Variants in WNK2 observed in about 807,000 individuals in gnomAD.
The protein encoded by WNK2 is WNK lysine deficient protein kinase 2.
In WNK2, 67 loss-of-function variants were observed where a neutral mutation model predicts 192.1. That is an observed-to-expected ratio of 0.35 (90% CI 0.29 to 0.43). The LOEUF (loss-of-function observed/expected upper bound fraction) is 0.43, where lower values mean the gene tolerates loss of function less well. WNK2 is among the 20% of genes least tolerant of loss of function. The pLI, the probability that WNK2 is intolerant of heterozygous loss-of-function variation, is 1.00. For missense variants in WNK2, 2,698 were observed against 3,089.7 expected (o/e 0.87, Z 3.01); for synonymous variants, 1,439 against 1,393.9 (o/e 1.03, Z -0.72).
intron 19 of WNK2, among the ~76,000 whole-genome samples, chr9:93,274,524 A>T (rs10992695): frequency 2.4e-5 from 3 of 124,482 alleles, no homozygotes; most frequent in South Asian, 2.6e-4. Flanking sequence ...CCAAAAAAAA[A>T]AAAAAAAAAA....
intron 2 of WNK2, among the ~76,000 whole-genome samples, chr9:93,208,068 T>C (rs191684597): frequency 3.9e-5 from 6 of 152,198 alleles, no homozygotes; most frequent in Non-Finnish European, 8.8e-5. Context: ...TTCTTGCTAT[T>C]ATAAATAATG....
At chr9:93,271,278 A>G (rs1182950773) in intron 19 of WNK2, among the ~76,000 whole-genome samples, 1 of 152,228 alleles carries the variant, frequency 6.6e-6, no homozygotes, top group Non-Finnish European at 1.5e-5. Flanking sequence ...TACTGAAGCA[A>G]AAATATTAAC....
chr9:93,205,115 C>T (rs945269946), intron 2 of WNK2, among the ~76,000 whole-genome samples: 2 of 152,222 alleles, frequency 1.3e-5, no homozygotes, highest in African/African-American at 4.8e-5. Flanking sequence ...TTCCTCCATC[C>T]ATTCTGGTAC....
Position 93,293,021 on chromosome 9 carries a change from G to T in WNK2, c.5556G>T (p.Ser1852=). ...AFLQRPSRAG[S]LGPETPSRVG... is the part of the protein sequence containing the mutation. ...TGCAGAGGCCTTCTCGGGCCGGCTCGCTGGGCCCCGAGACACCCAGCAGGG... is the reference window on the plus strand; with the variant it reads ...TGCAGAGGCCTTCTCGGGCCGGCTCTCTGGGCCCCGAGACACCCAGCAGGG... The change falls in exon 23 of 30, where the codon TCG becomes TCT. Residue 1852 remains serine (S), a synonymous_variant. Coordinates refer to ENST00000427277, the MANE Select transcript of WNK2 (RefSeq NM_006648.4). 6 of 1,600,032 alleles carry T rather than the reference G, an allele frequency of 3.7e-6. No homozygotes were observed. The highest frequency in any genetic ancestry group is 4.3e-6 in the Non-Finnish European group (5 of 1,174,050).
At chr9:93,220,822 A>T (rs781074890) in intron 2 of WNK2, among the ~76,000 whole-genome samples, 2 of 152,146 alleles carry the variant, frequency 1.3e-5, no homozygotes, top group African/African-American at 2.4e-5. Context: ...ATCAGACCCC[A>T]GGTGGTCCAC....
chr9:93,247,438 G>T lies in WNK2; in HGVS notation c.1543-105G>T. ...ATTCAGTGGCAGTGGGATGGCGAGC[G>T]TGTCCTGCGTGGATGAGCCAGTGAT... On this transcript the variant is annotated intron_variant, in intron 7 of 29. Coordinates refer to ENST00000427277, the MANE Select transcript of WNK2 (RefSeq NM_006648.4). The surrounding 1 kb of genome is among the most constrained non-coding windows in gnomAD (Gnocchi z 5.2). The T allele has an allele frequency of 1.5e-6, 2 of 1,296,942 alleles. No homozygotes were observed. Among genetic ancestry groups the T allele is most frequent in the Non-Finnish European group, 2.2e-6 (2 of 929,282 alleles). The allele number at this position is 1,296,942 out of a possible 1,614,324, so 80.3% of individuals were successfully genotyped here.
At chr9:93,200,768 C>T (rs1258687059) in intron 2 of WNK2, among the ~76,000 whole-genome samples, 1 of 152,114 alleles carries the variant, frequency 6.6e-6, no homozygotes, top group African/African-American at 2.4e-5. Context: ...TACAGACGGC[C>T]ACCTGCGCCA....
At chr9:93,314,430 G>C (rs1854236180) in intron 28 of WNK2, among the ~76,000 whole-genome samples, 1 of 144,194 alleles carries the variant, frequency 6.9e-6, no homozygotes, top group African/African-American at 2.7e-5. Context: ...CCTGGCGACA[G>C]AGCAAGACCC....
chr9:93,186,522 C>T (rs149541675), intron 2 of WNK2, among the ~76,000 whole-genome samples: 5 of 152,238 alleles, frequency 3.3e-5, no homozygotes, highest in Non-Finnish European at 5.9e-5. Context: ...GGGAGAGTGC[C>T]GGCTGGAGGT....
At chr9:93,228,923 C>T (rs928297397) in intron 2 of WNK2, among the ~76,000 whole-genome samples, 4 of 151,876 alleles carry the variant, frequency 2.6e-5, no homozygotes, top group East Asian at 1.9e-4. Flanking sequence ...GGGCAGGCGG[C>T]GGGAGGGTGG....
At chr9:93,243,556 A>G (rs1011005546) in intron 7 of WNK2, among the ~76,000 whole-genome samples, 4 of 152,240 alleles carry the variant, frequency 2.6e-5, no homozygotes, top group Non-Finnish European at 4.4e-5. Context: ...ACCTGTGCTC[A>G]GCTAAAGCAC....
At position 93,263,675 on chromosome 9, in the gene WNK2, T is replaced by C; in HGVS notation, c.3520T>C (p.Ser1174Pro). Residue 1174 changes from serine to proline, a missense_variant, in exon 15 of 30, where the codon TCC becomes CCC. Transcript: ENST00000427277. Reference protein sequence around the residue: ...GRAARKHHRRSTRARSRQERA... With the variant: ...GRAARKHHRRPTRARSRQERA... The stretch of plus-strand genomic sequence containing the variant: ...GGCAGCCCGAAAACACCACCGCAGG[T>C]CCACGCGTGCGCGCTCCCGGCAGGA... 2 of 1,583,176 alleles carry C rather than the reference T, an allele frequency of 1.3e-6. No individual in the cohort carries two copies. Among genetic ancestry groups the C allele is most frequent in the Non-Finnish European group, 1.7e-6 (2 of 1,170,054 alleles).
In WNK2 at chr9:93,300,079, G is replaced by A. The variant is rs772885707; in HGVS notation, c.6144G>A (p.Glu2048=). ...QGWTVYHPTS[E]RVTYKSSSKP... ...GGACGGTTTACCACCCAACGTCTGA[G>A]AGAGTGACCTATAAGTCTAGTAGCA... Residue 2048 remains glutamate (E), a synonymous_variant, in exon 26 of 30, where the codon GAG becomes GAA. Transcript: ENST00000427277. The A allele has an allele frequency of 8.7e-6, 14 of 1,613,466 alleles. No homozygotes were observed. In the East Asian group the frequency reaches 2.9e-4, roughly 33 times the overall value.
intron 2 of WNK2, among the ~76,000 whole-genome samples, chr9:93,211,486 T>A (rs1016785929): frequency 2.0e-5 from 3 of 146,872 alleles, no homozygotes; most frequent in Non-Finnish European, 3.0e-5. Flanking sequence ...ACTCACTCAC[T>A]CATCCACTCA....
At chr9:93,302,380 G>A (rs1191234048) in intron 26 of WNK2, among the ~76,000 whole-genome samples, 4 of 151,940 alleles carry the variant, frequency 2.6e-5, no homozygotes, top group African/African-American at 9.7e-5. Context: ...GGGTCGCGCT[G>A]CAAGTAGAGG....
rs182277526 is a variant in WNK2, at chr9:93,229,364, A to G, written c.682-332A>G. ...ATCCATTCTTTTCACAAACACACAG[A>G]AAGTGAGTGATTGTGGAGGAGGCAA... On this transcript the variant is annotated intron_variant, in intron 2 of 29. Transcript: ENST00000427277. This position sits in a 1 kb window ranked among gnomAD's most constrained non-coding sequence, Gnocchi z 4.9. Among the ~76,000 whole-genome samples the G allele has an allele frequency of 6.6e-6, 1 of 152,342 alleles. No individual in the cohort carries two copies. The highest frequency in any genetic ancestry group is 1.9e-4 in the East Asian group (1 of 5,178).
At chr9:93,196,724 G>C (rs1831345552) in intron 2 of WNK2, among the ~76,000 whole-genome samples, 1 of 152,186 alleles carries the variant, frequency 6.6e-6, no homozygotes, top group African/African-American at 2.4e-5. Context: ...AGCTTGATTG[G>C]TGTAGCAGGT....
At chr9:93,230,252 C>G (rs904044782) in intron 3 of WNK2, among the ~76,000 whole-genome samples, 3 of 152,046 alleles carry the variant, frequency 2.0e-5, no homozygotes, top group Non-Finnish European at 4.4e-5. Flanking sequence ...TCACTAAGGT[C>G]CCAGTCTGTA....
At chr9:93,293,351 G>A (rs1471890654) in intron 23 of WNK2, among the ~76,000 whole-genome samples, 178 bp downstream of exon 23, 4 of 145,916 alleles carry the variant, frequency 2.7e-5, no homozygotes, top group Non-Finnish European at 4.5e-5. Context: ...AGACAGTCTC[G>A]CTCTGTCACC....
Sources: allele counts gnomAD v4.1 joint callset (sites outside exome capture counted in the v4.1 genomes callset), GRCh38; gene constraint gnomAD v4.1.1; non-coding constraint Gnocchi (gnomAD v3.1); transcripts MANE v1.5; gene names NCBI Gene and HGNC (gene_info 2026-07-23, HGNC 2026-07-21).